The following RIPK3 variants were observed in gnomAD, a reference collection of about 807,000 sequenced individuals.
RIPK3 encodes the protein receptor-interacting serine/threonine-protein kinase 3.
In RIPK3, 51 loss-of-function variants were observed where a neutral mutation model predicts 51.6. That is an observed-to-expected ratio of 0.99 (90% CI 0.79 to 1.25). RIPK3 has a LOEUF of 1.25. Among genes scored for constraint, RIPK3 ranks in the 50% most tolerant of loss-of-function variants. RIPK3 has a pLI of 0.00. For missense variants in RIPK3, 654 were observed against 650.4 expected (o/e 1.01, Z -0.06); for synonymous variants, 246 against 257.7 (o/e 0.95, Z 0.44).
In RIPK3 at chr14:24,336,283, G is replaced by T. The variant is rs768917127; in HGVS notation, c.1449C>A (p.Gly483=). 6.2e-7 allele frequency: 1 copy of T among 1,614,010 alleles called. No homozygotes were observed. The highest frequency in any genetic ancestry group is 1.1e-5 in the South Asian group (1 of 91,084). Residue 483 remains glycine (G), a synonymous_variant, in exon 10 of 10, where the codon GGC becomes GGA. Transcript: ENST00000216274. ...GGGGGTGCTGCAAGCCCCTCCCCTT[G>T]CCCGAAGGTGCCAAGCCCCATGTGG... is the stretch of plus-strand genomic sequence containing the variant. The part of the protein sequence containing the change: ...ALPTWGLAPS[G]KGRGLQHPPP...
In RIPK3 at chr14:24,336,042, T is replaced by G; in HGVS notation, c.*133A>C. On this transcript the variant is annotated 3_prime_UTR_variant, in exon 10 of 10. Coordinates refer to ENST00000216274, the MANE Select transcript of RIPK3 (RefSeq NM_006871.4). Reference sequence around the variant, plus strand: ...AGACTGACTAGCATTCCATCATGTTTATTGACTCCTGGGGGACAGGTCACA... The same window carrying G: ...AGACTGACTAGCATTCCATCATGTTGATTGACTCCTGGGGGACAGGTCACA... The G allele has an allele frequency of 1.1e-6, 1 of 873,110 alleles. No homozygotes were observed. Among genetic ancestry groups the G allele is most frequent in the Non-Finnish European group, 1.7e-6 (1 of 582,142 alleles). 54.1% of individuals were successfully genotyped at this position (873,110 alleles called of 1,614,324 possible).
In RIPK3 at chr14:24,339,699, C is replaced by G. The variant is rs2042171462; in HGVS notation, c.21-102G>C. 1 of 1,582,566 alleles carries G rather than the reference C, an allele frequency of 6.3e-7. No individual in the cohort carries two copies. Among genetic ancestry groups the G allele is most frequent in the African/African-American group, 1.3e-5 (1 of 74,272 alleles). ...TCTCACTGCAATCCCCAGCCTCCCT[C>G]GCCGGCCCCCACCGTCCCCGGACTC... On this transcript the variant is annotated intron_variant, in intron 1 of 9. Transcript: ENST00000216274. This position sits in a 1 kb window ranked among gnomAD's most constrained non-coding sequence, Gnocchi z 4.0.
intron 7 of RIPK3, 110 bp downstream of exon 7, chr14:24,337,585 A>T: frequency 6.3e-7 from 1 of 1,576,206 alleles, no homozygotes; most frequent in South Asian, 1.1e-5. Flanking sequence ...CGGTGGGTAC[A>T]AAGGTCAAGG....
At position 24,339,905 on chromosome 14, in the gene RIPK3, G is replaced by A; in HGVS notation, c.-79C>T. On this transcript the variant is annotated 5_prime_UTR_variant, in exon 1 of 10. Coordinates refer to ENST00000216274, the MANE Select transcript of RIPK3 (RefSeq NM_006871.4). This position sits in a 1 kb window ranked among gnomAD's most constrained non-coding sequence, Gnocchi z 4.0. ...GTGACTTCTGGGGCTTGGTCCTTTCGCAGAGAGGGGAAGGGGTCTGTCTGT... is the reference window on the plus strand; with the variant it reads ...GTGACTTCTGGGGCTTGGTCCTTTCACAGAGAGGGGAAGGGGTCTGTCTGT... 7.0e-7 allele frequency: 1 copy of A among 1,438,204 alleles called. No homozygotes were observed. The highest frequency in any genetic ancestry group is 9.4e-7 in the Non-Finnish European group (1 of 1,061,036). 89.1% of individuals were successfully genotyped at this position (1,438,204 alleles called of 1,614,324 possible). A position where few individuals can be genotyped will look rare whatever the true frequency, so the allele number is the denominator to read the frequency against.
rs772929870 is a variant in RIPK3 at position 24,336,908 on chromosome 14, G to A, written c.1313C>T (p.Thr438Ile). The part of the protein sequence containing the change: ...ERQGMNWSCR[T>I]PEPNPVTGRP... ...ACCTGTTACTGGATTTGGCTCCGGG[G>A]TCCTGCAGGACCAGTTCATGCCTTG... The change falls in exon 9 of 10, where the codon ACC (threonine) becomes ATC (isoleucine). Residue 438 changes from threonine to isoleucine, a missense_variant. Coordinates refer to ENST00000216274, the MANE Select transcript of RIPK3 (RefSeq NM_006871.4). 5.0e-6 allele frequency: 8 copies of A among 1,614,052 alleles called. No homozygotes were observed. Among genetic ancestry groups the A allele is most frequent in the Non-Finnish European group, 6.8e-6 (8 of 1,180,034 alleles).
intron 7 of RIPK3, 115 bp downstream of exon 7, chr14:24,337,580 G>T: frequency 6.3e-7 from 1 of 1,579,358 alleles, no homozygotes. Flanking sequence ...GGGGACGGTG[G>T]GTACAAAGGT....
rs368542701 is a variant in RIPK3 at position 24,337,938 on chromosome 14, T to C, written c.767A>G (p.Glu256Gly). ...GAGCTGCATTAGCTCCTTCAGTCCT[T>C]CTAAGCCGGGAGTCTCAGGCCCGGC... ...PQAGPETPGL[E>G]GLKELMQLCW... Residue 256 changes from glutamate to glycine, a missense_variant, in exon 6 of 10, where the codon GAA becomes GGA. Transcript: ENST00000216274. 6.2e-7 allele frequency: 1 copy of C among 1,614,198 alleles called. No homozygotes were observed.
At position 24,336,373 on chromosome 14, in the gene RIPK3, G is replaced by A. The variant is rs757875418; in HGVS notation, c.1359C>T (p.Tyr453=). Residue 453 remains tyrosine (Y), a synonymous_variant, in exon 10 of 10, where the codon TAC becomes TAT. Coordinates refer to ENST00000216274, the MANE Select transcript of RIPK3 (RefSeq NM_006871.4). The stretch of plus-strand genomic sequence containing the variant: ...CTCCAACTTGCACCCCAGAGCAGTT[G>A]TATATGTTAACGAGCGGTCGCCCTT... ...PVTGRPLVNI[Y]NCSGVQVGDN... 1 of 1,613,746 alleles carries A rather than the reference G, an allele frequency of 6.2e-7. No homozygotes were observed. The highest frequency in any genetic ancestry group is 1.1e-5 in the South Asian group (1 of 91,078).
intron 9 of RIPK3, 165 bp from the exon 10 acceptor site, chr14:24,336,560 T>G: frequency 9.8e-7 from 1 of 1,015,872 alleles, no homozygotes; most frequent in Non-Finnish European, 1.4e-6. Flanking sequence ...GCAGAAGCTC[T>G]AGAGAGTGGC....
At position 24,339,140 on chromosome 14, in the gene RIPK3, G is replaced by A. The variant is rs1255489803; in HGVS notation, c.346C>T (p.Leu116Phe). Residue 116 changes from leucine to phenylalanine, a missense_variant, in exon 3 of 10, where the codon CTC becomes TTC. Coordinates refer to ENST00000216274, the MANE Select transcript of RIPK3 (RefSeq NM_006871.4). The surrounding 1 kb of genome is among the most constrained non-coding windows in gnomAD (Gnocchi z 4.0). ...LQSQCPRPWPLLCRLLKEVVL... is the reference protein window; with the variant it reads ...LQSQCPRPWPFLCRLLKEVVL... ...ACTTCTTTCAGCAGGCGGCAAAGGA[G>A]CGGCCAGGGCCGAGGGCACTGGGAC... is the stretch of plus-strand genomic sequence containing the variant. 4.3e-6 allele frequency: 7 copies of A among 1,614,120 alleles called. 1 individual carries two copies.
Position 24,339,929 on chromosome 14 carries a change from G to A in RIPK3, c.-103C>T. ...CGCAGAGAGGGGAAGGGGTCTGTCT[G>A]TGCAGGGGTCAGTCTCTAGACCAAG... On this transcript the variant is annotated 5_prime_UTR_variant, in exon 1 of 10. Coordinates refer to ENST00000216274, the MANE Select transcript of RIPK3 (RefSeq NM_006871.4). This position sits in a 1 kb window ranked among gnomAD's most constrained non-coding sequence, Gnocchi z 4.0. 7 of 1,274,242 alleles carry A rather than the reference G, an allele frequency of 5.5e-6. No homozygotes were observed. Among genetic ancestry groups the A allele is most frequent in the South Asian group, 1.5e-5 (1 of 68,584 alleles). The allele number at this position is 1,274,242 out of a possible 1,614,324, so 78.9% of individuals were successfully genotyped here.
chr14:24,337,419 TCTC>T lies in RIPK3; in HGVS notation c.939_941del (p.Arg314del), dbSNP rs1439631178. On this transcript the variant is annotated inframe_deletion, in exon 8 of 10. Coordinates refer to ENST00000216274, the MANE Select transcript of RIPK3 (RefSeq NM_006871.4). ...CTTGGCCTGACTCTGGGATAGAAAA[TCTC>T]CTATTGCTGCTCCTGAGCTGAGACA... The T allele has an allele frequency of 6.2e-7, 1 of 1,614,046 alleles. No individual in the cohort carries two copies. Among genetic ancestry groups the T allele is most frequent in the Admixed American group, 1.7e-5 (1 of 60,024 alleles).
In RIPK3 at chr14:24,336,929, C is replaced by T; in HGVS notation, c.1292G>A (p.Gly431Asp). Residue 431 changes from glycine to aspartate, a missense_variant, in exon 9 of 10, where the codon GGC becomes GAC. By Grantham distance (94) the Gly-to-Asp change is moderately conservative. Coordinates refer to ENST00000216274, the MANE Select transcript of RIPK3 (RefSeq NM_006871.4). ...PRGNQGAERQ[G>D]MNWSCRTPEP... Reference sequence around the variant, plus strand: ...CGGGGTCCTGCAGGACCAGTTCATGCCTTGTCTCTCAGCCCCCTGCAAACA... The same window carrying T: ...CGGGGTCCTGCAGGACCAGTTCATGTCTTGTCTCTCAGCCCCCTGCAAACA... The T allele has an allele frequency of 6.2e-7, 1 of 1,614,076 alleles. No individual in the cohort carries two copies. Among genetic ancestry groups the T allele is most frequent in the South Asian group, 1.1e-5 (1 of 91,072 alleles).
chr14:24,338,202 G>T (rs747268994), intron 5 of RIPK3, 47 bp downstream of exon 5: 1 of 1,535,914 alleles, frequency 6.5e-7, no homozygotes, highest in Non-Finnish European at 8.8e-7. Flanking sequence ...GCTTTCAAGA[G>T]AAGGGCACCT....
rs374696778 is a variant in RIPK3, at chr14:24,337,992, T to C, written c.713A>G (p.Asn238Ser). The C allele has an allele frequency of 9.9e-5, 159 of 1,614,200 alleles. No homozygotes were observed. The Middle Eastern group carries it at 1.3e-3, about 13-fold the overall frequency. Residue 238 changes from asparagine to serine, a missense_variant, in exon 6 of 10, where the codon AAC (asparagine) becomes AGC (serine). Transcript: ENST00000216274. Reference protein sequence around the residue: ...LVYEAVCNRQNRPSLAELPQA... With the variant: ...LVYEAVCNRQSRPSLAELPQA... ...GGGCAGCTCAGCCAATGAAGGCCGGTTCTGCCTGTTGCACACTGCTTCGTA... is the reference window on the plus strand; with the variant it reads ...GGGCAGCTCAGCCAATGAAGGCCGGCTCTGCCTGTTGCACACTGCTTCGTA...
At position 24,338,406 on chromosome 14, in the gene RIPK3, G is replaced by T; in HGVS notation, c.617+16C>A. The T allele has an allele frequency of 6.2e-7, 1 of 1,601,550 alleles. No individual in the cohort carries two copies. The highest frequency in any genetic ancestry group is 8.5e-7 in the Non-Finnish European group (1 of 1,170,718). Reference sequence around the variant, plus strand: ...GTGTAGGAATCCTGGCTGTGTGTTTGGGCCGGGATCCTTACCTGTAGACGT... The same window carrying T: ...GTGTAGGAATCCTGGCTGTGTGTTTTGGCCGGGATCCTTACCTGTAGACGT... On this transcript the variant is annotated intron_variant, in intron 4 of 9. Transcript: ENST00000216274.
intron 6 of RIPK3, 32 bp from the exon 7 acceptor site, chr14:24,337,794 G>A (rs1336812635): frequency 6.2e-7 from 1 of 1,613,842 alleles, no homozygotes; most frequent in African/African-American, 1.3e-5. Flanking sequence ...GTGCAGGTGA[G>A]CAAATCTTCT....
At position 24,339,817 on chromosome 14, in the gene RIPK3, C is replaced by T. The variant is rs762812681; in HGVS notation, c.10G>A (p.Val4Ile). 1.3e-6 allele frequency: 2 copies of T among 1,574,748 alleles called. No homozygotes were observed. The highest frequency in any genetic ancestry group is 2.2e-5 in the East Asian group (1 of 44,642). Residue 4 changes from valine to isoleucine, a missense_variant, in exon 1 of 10, where the codon GTC becomes ATC. Coordinates refer to ENST00000216274, the MANE Select transcript of RIPK3 (RefSeq NM_006871.4). The surrounding 1 kb of genome is among the most constrained non-coding windows in gnomAD (Gnocchi z 4.0). The stretch of plus-strand genomic sequence containing the variant: ...CCACTCCCTACTCACCATAACTTGA[C>T]GCACGACATCAGGCTGGAAGGTGCC... MSC[V>I]KLWPSGAPAP...
Position 24,337,867 on chromosome 14 carries a change from G to C in RIPK3, c.832+6C>G, listed in dbSNP as rs781160593. On this transcript the variant is annotated splice_donor_region_variant and intron_variant, in intron 6 of 9. Transcript: ENST00000216274. Reference sequence around the variant, plus strand: ...TATCCTAGATCCAGCTAACTGGCCAGCTCACCCTGGAAGGAGGGTCTGTCC... The same window carrying C: ...TATCCTAGATCCAGCTAACTGGCCACCTCACCCTGGAAGGAGGGTCTGTCC... 39 of 1,613,610 alleles carry C rather than the reference G, an allele frequency of 2.4e-5. No homozygotes were observed. Among genetic ancestry groups the C allele is most frequent in the Non-Finnish European group, 3.1e-5 (36 of 1,179,656 alleles).
Sources: gnomAD v4.1 joint callset for allele counts on GRCh38, gnomAD v4.1.1 for gene constraint, Gnocchi (gnomAD v3.1) non-coding constraint, MANE v1.5 for transcripts, NCBI Gene and HGNC (gene_info 2026-07-23, HGNC 2026-07-21) for gene names.